KDM6A: variants seen among roughly 807,000 people sequenced by gnomAD.
The protein encoded by KDM6A is lysine demethylase 6A, also known as lysine-specific demethylase 6A.
KDM6A carries 11 observed loss-of-function variants against 117.6 expected under a neutral mutation model. That is an observed-to-expected ratio of 0.09 (90% CI 0.06 to 0.15). The LOEUF (loss-of-function observed/expected upper bound fraction) is 0.15. KDM6A is among the 10% of genes least tolerant of loss of function. The pLI is 1.00. For missense variants in KDM6A, 799 were observed against 1,077.3 expected (o/e 0.74, Z 3.62); for synonymous variants, 384 against 396.1 (o/e 0.97, Z 0.36).
intron 8 of KDM6A, among the ~76,000 whole-genome samples, chrX:45,039,007 AC>A (rs1293000406): frequency 9.0e-6 from 1 of 111,208 alleles, no homozygotes; most frequent in East Asian, 2.8e-4. Context: ...CCCACCAGAT[AC>A]AAGATCCTGC....
chrX:44,905,060 G>C (rs1224970164), intron 2 of KDM6A, among the ~76,000 whole-genome samples: 1 of 112,195 alleles, frequency 8.9e-6, no homozygotes, highest in Non-Finnish European at 1.9e-5. Context: ...ATTTCACACA[G>C]ATCTTTCAGT....
At chrX:45,092,637 C>T (rs1162596578) in intron 27 of KDM6A, among the ~76,000 whole-genome samples, 1 of 111,625 alleles carries the variant, frequency 9.0e-6, no homozygotes, top group Non-Finnish European at 1.9e-5. Context: ...AAATTCCTGT[C>T]CTCTGGAGAC....
chrX:45,043,816 G>T (rs1229521299), intron 8 of KDM6A, among the ~76,000 whole-genome samples: 1 of 111,546 alleles, frequency 9.0e-6, no homozygotes, highest in Non-Finnish European at 1.9e-5. Flanking sequence ...TATGTATATT[G>T]TCATACCATC....
rs372714068 is a variant in KDM6A at position 44,953,070 on chromosome X, GT to G, written c.226-8203del. 3.5e-4 allele frequency among the ~76,000 whole-genome samples: 36 copies of G among 103,126 alleles called. No homozygotes were observed. The East Asian group carries it at 4.5e-3, about 13-fold the overall frequency. 89.6% of individuals were successfully genotyped at this position (103,126 alleles called of 115,157 possible). A position where few individuals can be genotyped will look rare whatever the true frequency, so the allele number is the denominator to read the frequency against. On this transcript the variant is annotated intron_variant, in intron 2 of 29. Transcript: ENST00000611820. ...GGTATGAGCCATTGCACCGAACTTTGTTTTTTTTTTTGTTTTTGTTCTTAAG... is the reference window on the plus strand; with the variant it reads ...GGTATGAGCCATTGCACCGAACTTTGTTTTTTTTTTGTTTTTGTTCTTAAG...
chrX:45,102,079 G>A (rs1410823510), intron 27 of KDM6A, among the ~76,000 whole-genome samples: 1 of 111,438 alleles, frequency 9.0e-6, no homozygotes, highest in Non-Finnish European at 1.9e-5. Flanking sequence ...ACAGTGATTC[G>A]TGAAGTTGAT....
At chrX:45,013,187 A>T (rs2041838257) in intron 5 of KDM6A, among the ~76,000 whole-genome samples, 1 of 111,586 alleles carries the variant, frequency 9.0e-6, no homozygotes, top group South Asian at 3.8e-4. Context: ...GGCAGAAGCA[A>T]GCTTATGCTC....
In KDM6A at chrX:45,079,217, T is replaced by C. The variant is rs751055644; in HGVS notation, c.3166T>C (p.Leu1056=). 11 of 1,210,238 alleles carry C rather than the reference T, an allele frequency of 9.1e-6. No individual in the cohort carries two copies. The highest frequency in any genetic ancestry group is 1.7e-5 in the African/African-American group (1 of 57,751). Residue 1056 remains leucine (L), a synonymous_variant, in exon 21 of 30, where the codon TTG becomes CTG. Transcript: ENST00000611820. ...NEHMVEVRTQ[L]LQPADENWDP... The stretch of plus-strand genomic sequence containing the variant: ...ACATATGGTAGAAGTGAGGACACAG[T>C]TGTTGCAGCCAGCAGATGAAAACTG...
chrX:45,048,641 A>G (rs1279424297), intron 8 of KDM6A, among the ~76,000 whole-genome samples: 1 of 109,264 alleles, frequency 9.2e-6, no homozygotes, highest in Non-Finnish European at 1.9e-5. Flanking sequence ...CTAGCCAGCC[A>G]AAGTACCAGT....
At chrX:44,985,352 A>C (rs139501399) in intron 4 of KDM6A, among the ~76,000 whole-genome samples, 4,279 of 111,616 alleles carry the variant, frequency 0.038, 213 homozygotes, top group African/African-American at 0.13. Flanking sequence ...TGTCATCTGC[A>C]AACAGGGACA....
chrX:44,982,957 A>G lies in KDM6A; in HGVS notation c.384+8242A>G, dbSNP rs1602438007. ...TATCAGTCTGGAAATGCTTCATAATATGAAAATATTTAGAACCTGTAAGGA... is the reference window on the plus strand; with the variant it reads ...TATCAGTCTGGAAATGCTTCATAATGTGAAAATATTTAGAACCTGTAAGGA... On this transcript the variant is annotated intron_variant, in intron 4 of 29. Coordinates refer to ENST00000611820, the MANE Select transcript of KDM6A (RefSeq NM_001291415.2). Among the ~76,000 whole-genome samples the G allele has an allele frequency of 2.7e-5, 3 of 112,276 alleles. No homozygotes were observed. The South Asian group carries it at 1.1e-3, about 41-fold the overall frequency.
intron 27 of KDM6A, among the ~76,000 whole-genome samples, chrX:45,099,465 T>C (rs1373056013): frequency 9.0e-6 from 1 of 111,005 alleles, no homozygotes; most frequent in Non-Finnish European, 1.9e-5. Flanking sequence ...TTCTACATTC[T>C]GGATTTGTTT....
At chrX:44,960,339 G>A (rs1016989426) in intron 2 of KDM6A, among the ~76,000 whole-genome samples, 2 of 111,531 alleles carry the variant, frequency 1.8e-5, no homozygotes, top group African/African-American at 6.5e-5. Context: ...AATTGTTAAT[G>A]GGAGAAATTT....
chrX:45,039,503 ATTTTT>A (rs756202597), intron 8 of KDM6A, among the ~76,000 whole-genome samples: 3 of 61,256 alleles, frequency 4.9e-5, no homozygotes, highest in Admixed American at 2.4e-4. Flanking sequence ...TCATTTGATA[ATTTTT>A]TTTTTTTTTT....
intron 2 of KDM6A, among the ~76,000 whole-genome samples, chrX:44,911,810 G>C (rs909063501): frequency 8.9e-6 from 1 of 111,988 alleles, no homozygotes; most frequent in Admixed American, 9.4e-5. Flanking sequence ...AGGTCACTCC[G>C]GGTTAGGAGC....
At chrX:44,967,946 A>C (rs897573357) in intron 3 of KDM6A, among the ~76,000 whole-genome samples, 1 of 112,585 alleles carries the variant, frequency 8.9e-6, no homozygotes, top group African/African-American at 3.2e-5. Flanking sequence ...TTAAGTCTTA[A>C]AATAGTAATT....
chrX:44,917,788 A>G (rs1482869734), intron 2 of KDM6A, among the ~76,000 whole-genome samples: 2 of 112,210 alleles, frequency 1.8e-5, no homozygotes, highest in Non-Finnish European at 3.8e-5. Context: ...AAGGTTTGTT[A>G]AGTTTTATTT....
chrX:45,067,507 A>G (rs2148017980), intron 17 of KDM6A, among the ~76,000 whole-genome samples: 1 of 111,496 alleles, frequency 9.0e-6, no homozygotes, highest in East Asian at 2.8e-4. Flanking sequence ...TATGATTATA[A>G]TATGCAGTGT....
intron 2 of KDM6A, among the ~76,000 whole-genome samples, chrX:44,935,796 A>G (rs1010407050): frequency 8.9e-5 from 10 of 112,046 alleles, no homozygotes; most frequent in Admixed American, 2.8e-4. Flanking sequence ...TCATTCAGAC[A>G]AGTAAGACCT....
intron 4 of KDM6A, among the ~76,000 whole-genome samples, chrX:44,998,814 G>A (rs1303627903): frequency 2.7e-5 from 3 of 111,493 alleles, no homozygotes; most frequent in Non-Finnish European, 3.8e-5. Flanking sequence ...TGGGGTATGG[G>A]GTGCTTGGTG....
Sources: allele counts gnomAD v4.1 joint callset (sites outside exome capture counted in the v4.1 genomes callset), GRCh38; gene constraint gnomAD v4.1.1; transcripts MANE v1.5; gene names NCBI Gene and HGNC (gene_info 2026-07-23, HGNC 2026-07-21).